KDM2A: variants seen among roughly 807,000 people sequenced by gnomAD.
The protein encoded by KDM2A is lysine-specific demethylase 2A.
A neutral mutation model predicts 137.3 loss-of-function variants in KDM2A; 3 were observed. The ratio of observed to expected loss-of-function variants is 0.02; its 90% CI spans 0.01 to 0.06. KDM2A has a LOEUF of 0.06. Among genes scored for constraint, KDM2A ranks in the 10% least tolerant of loss-of-function variants. KDM2A has a pLI of 1.00. For missense variants in KDM2A, 738 were observed against 1,510.6 expected (o/e 0.49, Z 8.48); for synonymous variants, 512 against 541.5 (o/e 0.95, Z 0.76).
At chr11:67,234,210 CAAAAG>C (rs1858801837) in intron 12 of KDM2A, among the ~76,000 whole-genome samples, 1 of 152,178 alleles carries the variant, frequency 6.6e-6, no homozygotes, top group Non-Finnish European at 1.5e-5. Context: ...AAGCATCACT[CAAAAG>C]AAAAAAGCAT....
intron 5 of KDM2A, among the ~76,000 whole-genome samples, chr11:67,200,441 TCTC>T (rs1354613571): frequency 1.3e-5 from 2 of 152,146 alleles, no homozygotes; most frequent in African/African-American, 4.8e-5. Context: ...ATGATCGCGA[TCTC>T]CTCACCTCAT....
intron 2 of KDM2A, among the ~76,000 whole-genome samples, chr11:67,160,859 G>C (rs188852042): frequency 6.6e-6 from 1 of 152,290 alleles, no homozygotes; most frequent in East Asian, 1.9e-4. Flanking sequence ...TGTAGACCCA[G>C]CTACTTGGGA....
intron 5 of KDM2A, among the ~76,000 whole-genome samples, chr11:67,189,460 G>A (rs1391582010): frequency 6.6e-6 from 1 of 152,206 alleles, no homozygotes; most frequent in African/African-American, 2.4e-5. Flanking sequence ...GCAGTAGCAT[G>A]TGCCTATAGT....
At chr11:67,246,447 ATC>A (rs2136452274) in intron 15 of KDM2A, among the ~76,000 whole-genome samples, 1 of 152,304 alleles carries the variant, frequency 6.6e-6, no homozygotes, top group Non-Finnish European at 1.5e-5. Flanking sequence ...GCCTTTAGGC[ATC>A]TCTGATACAT....
intron 2 of KDM2A, among the ~76,000 whole-genome samples, chr11:67,139,292 T>C (rs999278396): frequency 2.6e-5 from 4 of 151,994 alleles, no homozygotes; most frequent in Non-Finnish European, 5.9e-5. Flanking sequence ...TCCCCCAGGC[T>C]GGAGTGCAGT....
chr11:67,134,484 A>G (rs917480870), intron 2 of KDM2A, among the ~76,000 whole-genome samples: 5 of 152,028 alleles, frequency 3.3e-5, no homozygotes, highest in Non-Finnish European at 5.9e-5. Context: ...TCATTTTATA[A>G]TTTTATTTTT....
chr11:67,245,153 C>T lies in KDM2A; in HGVS notation c.1564-36C>T, dbSNP rs1324726051. The T allele has an allele frequency of 1.2e-6, 2 of 1,604,134 alleles. No individual in the cohort carries two copies. The highest frequency in any genetic ancestry group is 1.7e-6 in the Non-Finnish European group (2 of 1,174,624). On this transcript the variant is annotated intron_variant, in intron 13 of 20. Coordinates refer to ENST00000529006, the MANE Select transcript of KDM2A (RefSeq NM_012308.3). This position sits in a 1 kb window ranked among gnomAD's most constrained non-coding sequence, Gnocchi z 4.1. ...TCTACCCTATCCAGTCTTAAAGCAA[C>T]CTGATATATTTGACCTCACTGCTTT...
At chr11:67,159,984 A>G (rs941034909) in intron 2 of KDM2A, among the ~76,000 whole-genome samples, 1 of 152,184 alleles carries the variant, frequency 6.6e-6, no homozygotes, top group Non-Finnish European at 1.5e-5. Context: ...CTGCTGAACT[A>G]TACACAAATT....
At chr11:67,122,647 A>ATTTATT (rs1855623879) in intron 2 of KDM2A, among the ~76,000 whole-genome samples, 2 of 105,816 alleles carry the variant, frequency 1.9e-5, no homozygotes, top group Non-Finnish European at 3.3e-5. Flanking sequence ...ATTTATTTTT[A>ATTTATT]TTTATTTATT....
chr11:67,127,532 A>G (rs1855757653), intron 2 of KDM2A, among the ~76,000 whole-genome samples: 1 of 152,134 alleles, frequency 6.6e-6, no homozygotes, highest in Non-Finnish European at 1.5e-5. Context: ...CGCATGTTCA[A>G]TCCTGTTAAC....
chr11:67,200,291 C>G (rs1378344746), intron 5 of KDM2A, among the ~76,000 whole-genome samples: 1 of 152,058 alleles, frequency 6.6e-6, no homozygotes, highest in Non-Finnish European at 1.5e-5. Flanking sequence ...TCTCAGCTCA[C>G]TGCAAGCTCC....
At chr11:67,205,634 G>A (rs1283921363) in intron 5 of KDM2A, among the ~76,000 whole-genome samples, 1 of 151,840 alleles carries the variant, frequency 6.6e-6, no homozygotes, top group African/African-American at 2.4e-5. Context: ...TTTTGTGTGT[G>A]TGTATGTTTA....
intron 6 of KDM2A, among the ~76,000 whole-genome samples, chr11:67,215,014 A>G (rs1373003416): frequency 6.6e-6 from 1 of 152,172 alleles, no homozygotes; most frequent in East Asian, 1.9e-4. Context: ...ATTGGATTAA[A>G]AAATAAAACA....
At chr11:67,240,118 C>T in intron 12 of KDM2A, 2 of 1,377,898 alleles carry the variant, frequency 1.5e-6, no homozygotes, top group Admixed American at 3.0e-5. Context: ...GAAGCCGCGG[C>T]TGAGCTGAAG....
chr11:67,152,907 TGTG>T (rs2136308312), intron 2 of KDM2A, among the ~76,000 whole-genome samples: 1 of 180 alleles, frequency 5.6e-3, no homozygotes, highest in Admixed American at 0.062. Flanking sequence ...AGTGCCAGAG[TGTG>T]TGTGTGTGTG....
At position 67,255,079 on chromosome 11, in the gene KDM2A, A is replaced by T. The variant is rs772638468; in HGVS notation, c.*24A>T. The T allele has an allele frequency of 6.3e-6, 10 of 1,594,058 alleles. No homozygotes were observed. The East Asian group carries it at 2.3e-4, about 36-fold the overall frequency. On this transcript the variant is annotated 3_prime_UTR_variant, in exon 21 of 21. Transcript: ENST00000529006. ...AAGACACACCCAGCCCAGATTCAAC[A>T]GGAAACCGATCTTCCCCTGACTCCC...
At chr11:67,143,435 C>T (rs1159001774) in intron 2 of KDM2A, 2 of 151,926 alleles carry the variant, frequency 1.3e-5, no homozygotes, top group East Asian at 1.9e-4. Flanking sequence ...CAGAAAAGTC[C>T]GTAAAACATA....
intron 5 of KDM2A, among the ~76,000 whole-genome samples, chr11:67,205,265 A>G (rs530475004): frequency 1.3e-5 from 2 of 152,272 alleles, no homozygotes; most frequent in East Asian, 3.9e-4. Context: ...TAAAATATGA[A>G]GTGTAGGTTC....
chr11:67,188,527 A>G (rs1048551147), intron 5 of KDM2A, among the ~76,000 whole-genome samples: 8 of 150,176 alleles, frequency 5.3e-5, no homozygotes, highest in Non-Finnish European at 8.9e-5. Context: ...ATGGTGCCTC[A>G]CACGTCTGTA....
Sources: allele counts gnomAD v4.1 joint callset (sites outside exome capture counted in the v4.1 genomes callset), GRCh38; gene constraint gnomAD v4.1.1; non-coding constraint Gnocchi (gnomAD v3.1); transcripts MANE v1.5; gene names NCBI Gene and HGNC (gene_info 2026-07-23, HGNC 2026-07-21).